Variants in ZFHX3 observed in about 807,000 individuals in gnomAD.
ZFHX3 encodes zinc finger homeobox 3.
Under a neutral mutation model 279.1 loss-of-function variants are expected in ZFHX3, and 42 were observed. The ratio of observed to expected loss-of-function variants is 0.15; its 90% CI spans 0.12 to 0.19. The LOEUF is 0.19. ZFHX3 is among the 10% of genes least tolerant of loss of function. ZFHX3 has a pLI of 1.00. For synonymous variants in ZFHX3, 2,293 were observed against 1,957.8 expected, an observed-to-expected ratio of 1.17 and a Z score of -4.52; for missense variants, 4,981 against 4,754.0, an observed-to-expected ratio of 1.05 and a Z score of -1.40.
chr16:73,109,493 C>A (rs1966344834), intron 7 of ZFHX3, among the ~76,000 whole-genome samples: 1 of 91,436 alleles, frequency 1.1e-5, no homozygotes, highest in Admixed American at 1.2e-4. Context: ...GCACTAAAAT[C>A]AGCACGACAC....
intron 1 of ZFHX3, among the ~76,000 whole-genome samples, chr16:73,762,593 C>G (rs554742976): frequency 6.6e-6 from 1 of 152,252 alleles, no homozygotes; most frequent in Admixed American, 6.5e-5. Context: ...CCATGAATGA[C>G]AGACTGGATA....
At chr16:73,785,926 A>G (rs1253347250) in intron 1 of ZFHX3, among the ~76,000 whole-genome samples, 1 of 151,736 alleles carries the variant, frequency 6.6e-6, no homozygotes, top group Admixed American at 6.6e-5. Flanking sequence ...GCTGGAGTGC[A>G]ATGGTGCGAT....
At chr16:73,091,189 C>T (rs1377602009) in intron 8 of ZFHX3, among the ~76,000 whole-genome samples, 22 of 141,342 alleles carry the variant, frequency 1.6e-4, no homozygotes, top group South Asian at 2.2e-4. Context: ...CCAGCCTGGG[C>T]GGCAGAGTGA....
intron 1 of ZFHX3, among the ~76,000 whole-genome samples, chr16:73,787,636 A>C (rs58471315): frequency 0.012 from 1,822 of 152,268 alleles, 36 homozygotes; most frequent in African/African-American, 0.041. Context: ...ATCTTAATGA[A>C]AGTTTATTAT....
At chr16:73,405,519 A>G (rs1359499333) in intron 3 of ZFHX3, among the ~76,000 whole-genome samples, 1 of 152,218 alleles carries the variant, frequency 6.6e-6, no homozygotes, top group Non-Finnish European at 1.5e-5. Flanking sequence ...ATCAAGACAC[A>G]GATTTATTAA....
chr16:73,767,247 C>T (rs547829489), intron 1 of ZFHX3, among the ~76,000 whole-genome samples: 1 of 152,240 alleles, frequency 6.6e-6, no homozygotes, highest in East Asian at 1.9e-4. Context: ...TTTGCCACTA[C>T]TTTTAATGGC....
rs201028839 is a variant in ZFHX3, at chr16:73,612,933, GA to G, written c.-1547+67246del. On this transcript the variant is annotated intron_variant, in intron 2 of 17. Transcript: ENST00000641206. ...AGGGATTTAGGATGGTTAAAAAAAG[GA>G]GGAGATGAGGGCATATTTCAATGAA... Among the ~76,000 whole-genome samples the G allele has an allele frequency of 6.1e-5, 8 of 131,762 alleles. No homozygotes were observed. In the East Asian group the frequency reaches 7.5e-4, roughly 12 times the overall value. The allele number at this position is 131,762 out of a possible 152,430, so 86.4% of individuals were successfully genotyped here. A position where few individuals can be genotyped will look rare whatever the true frequency, so the allele number is the denominator to read the frequency against.
chr16:72,837,798 C>T (rs111597715), intron 4 of ZFHX3, among the ~76,000 whole-genome samples: 5,782 of 146,060 alleles, frequency 0.04, 7 homozygotes, highest in African/African-American at 0.15. Flanking sequence ...ATAGGGGTCT[C>T]GCTGTGTTGC....
chr16:73,867,424 C>T (rs911322081), intron 1 of ZFHX3, among the ~76,000 whole-genome samples: 6 of 152,088 alleles, frequency 3.9e-5, no homozygotes, highest in Non-Finnish European at 8.8e-5. Flanking sequence ...CTTGCAAAGC[C>T]GATGCTCCCC....
intron 1 of ZFHX3, among the ~76,000 whole-genome samples, chr16:73,035,197 TATTG>T (rs1964856511): frequency 6.6e-6 from 1 of 152,238 alleles, no homozygotes; most frequent in Admixed American, 6.5e-5. Flanking sequence ...GTTTTATTAA[TATTG>T]ATTACCTGTG....
At chr16:73,720,148 G>T (rs2142236941) in intron 1 of ZFHX3, among the ~76,000 whole-genome samples, 1 of 152,248 alleles carries the variant, frequency 6.6e-6, no homozygotes, top group East Asian at 1.9e-4. Flanking sequence ...TTAACACACT[G>T]GCAAAGTTTC....
At chr16:73,757,857 A>G (rs1282429609) in intron 1 of ZFHX3, among the ~76,000 whole-genome samples, 1 of 152,208 alleles carries the variant, frequency 6.6e-6, no homozygotes, top group African/African-American at 2.4e-5. Flanking sequence ...CCTTGATGCC[A>G]TTCTGATTTT....
intron 4 of ZFHX3, among the ~76,000 whole-genome samples, chr16:73,261,668 G>GTTTTGT (rs1555506812): frequency 1.2e-4 from 10 of 80,720 alleles, no homozygotes; most frequent in Admixed American, 3.6e-4. Context: ...TCCTGTGATT[G>GTTTTGT]TTTTTTTTTT....
At chr16:73,285,442 G>A (rs1297743399) in intron 4 of ZFHX3, among the ~76,000 whole-genome samples, 1 of 152,178 alleles carries the variant, frequency 6.6e-6, no homozygotes. Context: ...GCTGACAAAG[G>A]GCACAAAATT....
intron 2 of ZFHX3, among the ~76,000 whole-genome samples, chr16:73,668,096 G>C (rs2052863793): frequency 6.6e-6 from 1 of 152,144 alleles, no homozygotes; most frequent in Non-Finnish European, 1.5e-5. Context: ...GCCAAGAGAA[G>C]GGACTCATCT....
At chr16:73,571,265 C>A (rs1203563295) in intron 2 of ZFHX3, among the ~76,000 whole-genome samples, 1 of 151,958 alleles carries the variant, frequency 6.6e-6, no homozygotes, top group East Asian at 1.9e-4. Flanking sequence ...TCTAGATATA[C>A]CGCTCCTACC....
At chr16:72,933,460 C>T (rs1411252719) in intron 3 of ZFHX3, among the ~76,000 whole-genome samples, 1 of 151,602 alleles carries the variant, frequency 6.6e-6, no homozygotes, top group Non-Finnish European at 1.5e-5. Flanking sequence ...ATGAACATCT[C>T]CAACCAAGGA....
In ZFHX3 at chr16:72,788,775, A is replaced by T. The variant is rs752489367; in HGVS notation, c.9501T>A (p.Ser3167=). ...CTGAGGACGGTTTATTTGGTAATCCAGAAGTGGGGAGGCCAGGGGAAGGAA... is the reference window on the plus strand; with the variant it reads ...CTGAGGACGGTTTATTTGGTAATCCTGAAGTGGGGAGGCCAGGGGAAGGAA... ...TTVPSPGLPT[S]GLPNKPSSAS... The change falls in exon 10 of 10, where the codon TCT becomes TCA. Residue 3167 remains serine (S), a synonymous_variant. Transcript: ENST00000268489. 6.4e-7 allele frequency: 1 copy of T among 1,555,260 alleles called. No individual in the cohort carries two copies. Among genetic ancestry groups the T allele is most frequent in the East Asian group, 2.2e-5 (1 of 44,506 alleles).
chr16:73,124,287 C>T (rs12102434), intron 7 of ZFHX3, among the ~76,000 whole-genome samples: 42,040 of 151,998 alleles, frequency 0.28, 7,036 homozygotes, highest in African/African-American at 0.47. Context: ...CCGGTGAGGG[C>T]CTGCGTTCTG....
Sources: gnomAD v4.1 joint callset for allele counts (sites outside exome capture counted in the v4.1 genomes callset) on GRCh38, gnomAD v4.1.1 for gene constraint, MANE v1.5 for transcripts, NCBI Gene and HGNC (gene_info 2026-07-23, HGNC 2026-07-21) for gene names.